Variants in ERH observed in about 807,000 individuals in gnomAD.
ERH encodes enhancer of rudimentary homolog.
Under a neutral mutation model 16.8 loss-of-function variants are expected in ERH, and 1 was observed. The ratio of observed to expected loss-of-function variants is 0.06; its 90% CI spans 0.02 to 0.28. The LOEUF is 0.28. Ranked by LOEUF, ERH falls within the 10% of genes least tolerant of loss-of-function variation. The pLI, the probability that ERH is intolerant of heterozygous loss-of-function variation, is 1.00. For missense variants in ERH, 42 were observed against 127.5 expected, an observed-to-expected ratio of 0.33 and a Z score of 3.23; for synonymous variants, 43 against 43.6, an observed-to-expected ratio of 0.99 and a Z score of 0.05.
intron 2 of ERH, among the ~76,000 whole-genome samples, chr14:69,387,979 G>C (rs779639591): frequency 2.0e-5 from 3 of 152,136 alleles, no homozygotes; most frequent in Non-Finnish European, 2.9e-5. Flanking sequence ...CTGGGAGGTG[G>C]AGATTGCAGT....
rs1312746081 is a variant in ERH at position 69,384,411 on chromosome 14, T to C, written c.212+2552A>G. On this transcript the variant is annotated intron_variant, in intron 3 of 3. Coordinates refer to ENST00000557016, the MANE Select transcript of ERH (RefSeq NM_004450.3). Reference sequence around the variant, plus strand: ...TGCCTTGTCAAAGGGAGCTAGCAAATGGTAGACCCAGGATTCAAACCCAGC... The same window carrying C: ...TGCCTTGTCAAAGGGAGCTAGCAAACGGTAGACCCAGGATTCAAACCCAGC... Among the ~76,000 whole-genome samples the C allele has an allele frequency of 2.6e-5, 4 of 152,330 alleles. No individual in the cohort carries two copies. The East Asian group carries it at 5.8e-4, about 22-fold the overall frequency.
Position 69,380,481 on chromosome 14 carries a change from C to G in ERH, c.*57G>C. On this transcript the variant is annotated 3_prime_UTR_variant, in exon 4 of 4. Coordinates refer to ENST00000557016, the MANE Select transcript of ERH (RefSeq NM_004450.3). ...ATGATACAAAACTTCCACTACAGCA[C>G]GCTGTACACACCTGTGTTCCAAGCC... 1.0e-6 allele frequency: 1 copy of G among 958,738 alleles called. No homozygotes were observed. The highest frequency in any genetic ancestry group is 1.3e-5 in the South Asian group (1 of 76,970). 59.4% of individuals were successfully genotyped at this position (958,738 alleles called of 1,614,324 possible).
intron 3 of ERH, among the ~76,000 whole-genome samples, chr14:69,382,664 TC>T (rs1288271553): frequency 2.1e-5 from 3 of 144,670 alleles, no homozygotes; most frequent in Non-Finnish European, 4.6e-5. Context: ...AAACCCCGTC[TC>T]CACCAAAAAA....
chr14:69,394,957 A>C, intron 1 of ERH, 45 bp from the exon 2 acceptor site: 1 of 1,338,166 alleles, frequency 7.5e-7, no homozygotes, highest in Non-Finnish European at 1.1e-6. Flanking sequence ...TATTTGAGAA[A>C]TTCATAGTAT....
intron 2 of ERH, among the ~76,000 whole-genome samples, chr14:69,388,439 C>A (rs1412175011): frequency 1.3e-5 from 2 of 152,028 alleles, no homozygotes; most frequent in Admixed American, 1.3e-4. Flanking sequence ...TGGCTCACTG[C>A]AACCTCCGCC....
intron 2 of ERH, among the ~76,000 whole-genome samples, chr14:69,393,444 G>C (rs927366233): frequency 6.6e-6 from 1 of 152,140 alleles, no homozygotes; most frequent in African/African-American, 2.4e-5. Flanking sequence ...TGGTGTATGA[G>C]AATGCATGCA....
chr14:69,382,568 T>C (rs897200000), intron 3 of ERH, among the ~76,000 whole-genome samples: 2 of 152,008 alleles, frequency 1.3e-5, no homozygotes, highest in African/African-American at 2.4e-5. Flanking sequence ...TGCCAGTGGC[T>C]CATGCCTGTA....
At chr14:69,396,808 C>A (rs1882346722) in intron 1 of ERH, among the ~76,000 whole-genome samples, 1 of 152,148 alleles carries the variant, frequency 6.6e-6, no homozygotes, top group Non-Finnish European at 1.5e-5. Context: ...GCAGTCAAAG[C>A]CTTTGTTAAA....
chr14:69,381,483 T>C (rs1000002856), intron 3 of ERH, among the ~76,000 whole-genome samples: 3 of 152,158 alleles, frequency 2.0e-5, no homozygotes, highest in African/African-American at 7.2e-5. Flanking sequence ...TATCAGAAGA[T>C]ACAGTAAGCT....
intron 1 of ERH, among the ~76,000 whole-genome samples, chr14:69,395,976 T>C (rs1013570293): frequency 1.3e-5 from 2 of 152,242 alleles, no homozygotes; most frequent in African/African-American, 4.8e-5. Flanking sequence ...TTTCTCAACG[T>C]GGGCTCTATT....
chr14:69,382,006 G>A (rs958442551), intron 3 of ERH, among the ~76,000 whole-genome samples: 13 of 152,172 alleles, frequency 8.5e-5, no homozygotes, highest in African/African-American at 3.1e-4. Context: ...TTTCATAAAT[G>A]AGAAACCAAG....
chr14:69,380,235 T>C lies in ERH; in HGVS notation c.*303A>G, dbSNP rs2045852500. On this transcript the variant is annotated 3_prime_UTR_variant, in exon 4 of 4. Transcript: ENST00000557016. ...TCTTGAAGAAGGGTTAGTATGTGAA[T>C]GTTATAAAGTAGATATGAACAGTTG... 1 of 246,556 alleles carries C rather than the reference T, an allele frequency of 4.1e-6. No individual in the cohort carries two copies. The highest frequency in any genetic ancestry group is 1.6e-4 in the South Asian group (1 of 6,066). The allele number at this position is 246,556 out of a possible 1,614,324, so 15.3% of individuals were successfully genotyped here.
rs899256254 is a variant in ERH, at chr14:69,385,015, C to G, written c.212+1948G>C. 5.3e-5 allele frequency among the ~76,000 whole-genome samples: 8 copies of G among 152,290 alleles called. 1 individual carries two copies. Among genetic ancestry groups the G allele is most frequent in the Admixed American group, 2.0e-4 (3 of 15,290 alleles). ...TCATTCTCTGATCACCACTTCCTAACACTCTAATGTGAGCAATCCTTGATC... is the reference window on the plus strand; with the variant it reads ...TCATTCTCTGATCACCACTTCCTAAGACTCTAATGTGAGCAATCCTTGATC... On this transcript the variant is annotated intron_variant, in intron 3 of 3. Coordinates refer to ENST00000557016, the MANE Select transcript of ERH (RefSeq NM_004450.3).
At position 69,394,450 on chromosome 14, in the gene ERH, T is replaced by G. The variant is rs115837851; in HGVS notation, c.91+375A>C. On this transcript the variant is annotated intron_variant, in intron 2 of 3. Coordinates refer to ENST00000557016, the MANE Select transcript of ERH (RefSeq NM_004450.3). ...TCTCTACTAAATACACAAAAAATTA[T>G]CTGGGTGTGGTGGCCCATGCCTGTA... Among the ~76,000 whole-genome samples the G allele has an allele frequency of 3.2e-3, 479 of 152,046 alleles. 5 individuals are homozygous for G. The highest frequency in any genetic ancestry group is 0.011 in the African/African-American group (465 of 41,496).
intron 1 of ERH, among the ~76,000 whole-genome samples, chr14:69,396,322 C>T (rs949422875): frequency 6.6e-6 from 1 of 152,254 alleles, no homozygotes; most frequent in Non-Finnish European, 1.5e-5. Flanking sequence ...AGCGCAAAGG[C>T]GCGATCTCAG....
chr14:69,386,459 CCTT>C (rs1220347626), intron 3 of ERH, among the ~76,000 whole-genome samples: 1 of 152,160 alleles, frequency 6.6e-6, no homozygotes, highest in African/African-American at 2.4e-5. Context: ...ACTTTATGCT[CCTT>C]GTTAGTAATT....
intron 3 of ERH, among the ~76,000 whole-genome samples, 170 bp from the exon 4 acceptor site, chr14:69,380,810 G>A (rs1011641559): frequency 2.0e-5 from 3 of 152,152 alleles, no homozygotes; most frequent in Admixed American, 6.5e-5. Flanking sequence ...TAAGTGACAT[G>A]AACTTTATAT....
In ERH at chr14:69,394,767, GA is replaced by G. The variant is rs370483444; in HGVS notation, c.91+57del. ...TATTAAAAAAAAAAAATTTGGAGGG[GA>G]AAAACCCAGTTCCTAAATGAGACAT... On this transcript the variant is annotated intron_variant, in intron 2 of 3. Transcript: ENST00000557016. 5.7e-4 allele frequency: 773 copies of G among 1,354,948 alleles called. 5 individuals carry two copies. In the African/African-American group the frequency reaches 0.01, roughly 18 times the overall value. 83.9% of individuals were successfully genotyped at this position (1,354,948 alleles called of 1,614,324 possible).
chr14:69,393,101 G>A (rs1882253374), intron 2 of ERH, among the ~76,000 whole-genome samples: 1 of 152,242 alleles, frequency 6.6e-6, no homozygotes, highest in African/African-American at 2.4e-5. Context: ...TGGATCACTT[G>A]AGGTCAGGAG....
Sources: allele counts gnomAD v4.1 joint callset (sites outside exome capture counted in the v4.1 genomes callset), GRCh38; gene constraint gnomAD v4.1.1; transcripts MANE v1.5; gene names NCBI Gene and HGNC (gene_info 2026-07-23, HGNC 2026-07-21).